MED16: variants seen among roughly 807,000 people sequenced by gnomAD.
MED16 encodes the protein mediator of RNA polymerase II transcription subunit 16.
MED16 carries 81 observed loss-of-function variants against 84.4 expected under a neutral mutation model. The ratio of observed to expected loss-of-function variants is 0.96; its 90% CI spans 0.80 to 1.15. MED16 has a LOEUF of 1.15. Ranked by LOEUF, MED16 falls within the 50% of genes most tolerant of loss-of-function variation. The pLI is 0.00. For missense variants in MED16, 1,585 were observed against 1,245.9 expected (o/e 1.27, Z -4.10); for synonymous variants, 897 against 552.2 (o/e 1.62, Z -8.76).
At chr19:873,855 C>A (rs1168283963) in intron 10 of MED16, among the ~76,000 whole-genome samples, 1 of 152,156 alleles carries the variant, frequency 6.6e-6, no homozygotes, top group Non-Finnish European at 1.5e-5. Flanking sequence ...CATGCCAGGG[C>A]CACCAGTGCT....
chr19:880,213 C>T, intron 7 of MED16, 65 bp from the exon 8 acceptor site: 1 of 1,461,782 alleles, frequency 6.8e-7, no homozygotes, highest in Non-Finnish European at 9.1e-7. Flanking sequence ...GGGGAGGGGC[C>T]TCCTGCTCTG....
rs2036200958 is a variant in MED16 at position 875,203 on chromosome 19, TGAAA to T, written c.1771+37_1771+40del. On this transcript the variant is annotated intron_variant, in intron 10 of 15. Coordinates refer to ENST00000325464, the MANE Select transcript of MED16 (RefSeq NM_005481.3). Reference sequence around the variant, plus strand: ...AATAAATAAAAATAAAATAAATAGATGAAAGAAACCTCGAGGCCCCGGGCGTGGA... The same window carrying T: ...AATAAATAAAAATAAAATAAATAGATGAAACCTCGAGGCCCCGGGCGTGGA... 5.3e-6 allele frequency: 7 copies of T among 1,313,328 alleles called. No homozygotes were observed. The South Asian group carries it at 7.2e-5, about 14-fold the overall frequency. The allele number at this position is 1,313,328 out of a possible 1,614,324, so 81.4% of individuals were successfully genotyped here. A position where few individuals can be genotyped will look rare whatever the true frequency, so the allele number is the denominator to read the frequency against.
chr19:890,181 G>T lies in MED16; in HGVS notation c.233C>A (p.Ser78Ter), dbSNP rs1385972926. ...EHPWDLHSIP[S>*]EHHEAITCLE... ...GCAGGTGATGGCCTCGTGGTGCTCT[G>T]AGGGGATCGAGTGCAGGTCCCAGGG... is the stretch of plus-strand genomic sequence containing the variant. The change falls in exon 3 of 16, where the codon TCA becomes TAA. Residue 78 changes from serine (S) to a stop codon, truncating the protein, a stop_gained. Transcript: ENST00000325464. LOFTEE classifies it high-confidence loss of function. 1 of 1,554,024 alleles carries T rather than the reference G, an allele frequency of 6.4e-7. No individual in the cohort carries two copies. Among genetic ancestry groups the T allele is most frequent in the Admixed American group, 1.9e-5 (1 of 51,288 alleles).
chr19:871,420 T>TCTGC (rs1799767437), intron 12 of MED16, among the ~76,000 whole-genome samples, 167 bp from the exon 13 acceptor site: 1 of 151,988 alleles, frequency 6.6e-6, no homozygotes, highest in Admixed American at 6.5e-5. Context: ...GGGCCCCGGC[T>TCTGC]CTGCCTGCCT....
At chr19:876,913 G>T (rs1254728680) in intron 9 of MED16, 61 bp downstream of exon 9, 4 of 1,518,844 alleles carry the variant, frequency 2.6e-6, no homozygotes, top group Non-Finnish European at 3.5e-6. Context: ...CCTGCCACGG[G>T]GCCCCCACCT....
At chr19:886,244 T>C (rs1334006725) in intron 4 of MED16, 43 bp from the exon 5 acceptor site, 10 of 1,461,460 alleles carry the variant, frequency 6.8e-6, no homozygotes, top group South Asian at 2.8e-5. Flanking sequence ...CTCAGGCTCA[T>C]GGGGGCTGCC....
Position 872,740 on chromosome 19 carries a change from A to C in MED16, c.1906-622T>G, listed in dbSNP as rs1458774442. ...GAGGTGTGGATGGAGACTTGATTTCAAGGCCGCCCACCCCAGGCGCAGGGA... is the reference window on the plus strand; with the variant it reads ...GAGGTGTGGATGGAGACTTGATTTCCAGGCCGCCCACCCCAGGCGCAGGGA... On this transcript the variant is annotated intron_variant, in intron 11 of 15. Coordinates refer to ENST00000325464, the MANE Select transcript of MED16 (RefSeq NM_005481.3). Among the ~76,000 whole-genome samples the C allele has an allele frequency of 2.6e-5, 4 of 151,700 alleles. No individual in the cohort carries two copies. In the East Asian group the frequency reaches 7.9e-4, roughly 30 times the overall value.
rs1312130672 is a variant in MED16, at chr19:871,295, G to C, written c.2099-42C>G. ...CGGAAGTCTCAGCACCCCTGACTGG[G>C]GCACCGCCCGGCCACCCGGGACGTG... is the stretch of plus-strand genomic sequence containing the variant. On this transcript the variant is annotated intron_variant, in intron 12 of 15. Transcript: ENST00000325464. 2.3e-5 allele frequency: 35 copies of C among 1,501,416 alleles called. No homozygotes were observed. In the South Asian group the frequency reaches 4.3e-4, roughly 18 times the overall value. The allele number at this position is 1,501,416 out of a possible 1,614,324, so 93.0% of individuals were successfully genotyped here. A position where few individuals can be genotyped will look rare whatever the true frequency, so the allele number is the denominator to read the frequency against.
At chr19:879,599 G>C (rs372058557) in intron 8 of MED16, among the ~76,000 whole-genome samples, 1,316 of 13,694 alleles carry the variant, frequency 0.096, no homozygotes, top group South Asian at 0.14. Context: ...TCACCTTCCC[G>C]TGGTTGTCAA....
In MED16 at chr19:889,797, G is replaced by C. The variant is rs753131046; in HGVS notation, c.288C>G (p.Leu96=). ...CLEWDQSGSR[L]LSADADGQIK... ...TCTGCCCGTCGGCATCTGCTGACAGGAGCCGGGAGCCTGAGGGCAAGAAGC... is the reference window on the plus strand; with the variant it reads ...TCTGCCCGTCGGCATCTGCTGACAGCAGCCGGGAGCCTGAGGGCAAGAAGC... Residue 96 remains leucine (L), a synonymous_variant, in exon 4 of 16, where the codon CTC becomes CTG. Coordinates refer to ENST00000325464, the MANE Select transcript of MED16 (RefSeq NM_005481.3). 8 of 1,610,794 alleles carry C rather than the reference G, an allele frequency of 5.0e-6. No individual in the cohort carries two copies. Among genetic ancestry groups the C allele is most frequent in the African/African-American group, 1.3e-5 (1 of 74,900 alleles).
chr19:890,932 G>A lies in MED16; in HGVS notation c.169+31C>T, dbSNP rs199813748. On this transcript the variant is annotated intron_variant, in intron 2 of 15. Coordinates refer to ENST00000325464, the MANE Select transcript of MED16 (RefSeq NM_005481.3). ...GAACAGGGCGGGACACCATGCGGCC[G>A]GGAGGGGAAGCAGGTGGGAGGGGGA... 1.2e-4 allele frequency: 198 copies of A among 1,605,086 alleles called. No individual in the cohort carries two copies. The African/African-American group carries it at 1.9e-3, about 15-fold the overall frequency.
At chr19:886,751 T>C (rs1014930585) in intron 4 of MED16, among the ~76,000 whole-genome samples, 1 of 152,224 alleles carries the variant, frequency 6.6e-6, no homozygotes, top group African/African-American at 2.4e-5. Context: ...TACGGAAACA[T>C]CCACCCTTCT....
At chr19:891,193 C>A (rs576592674) in intron 1 of MED16, 44 bp from the exon 2 acceptor site, 1 of 1,551,634 alleles carries the variant, frequency 6.4e-7, no homozygotes, top group African/African-American at 1.4e-5. Flanking sequence ...TGGCTGAGCA[C>A]CCAGGGCATG....
chr19:878,231 A>C (rs1599329657), intron 8 of MED16, among the ~76,000 whole-genome samples: 2 of 49,580 alleles, frequency 4.0e-5, no homozygotes, highest in Admixed American at 2.6e-4. Flanking sequence ...GTCAATGCCC[A>C]CCAGCCCCAG....
intron 3 of MED16, 58 bp downstream of exon 3, chr19:890,079 G>GC (rs1473605923): frequency 2.3e-6 from 3 of 1,322,816 alleles, no homozygotes; most frequent in East Asian, 5.0e-5. Context: ...GAAACACAGG[G>GC]CCCCCCTGCT....
intron 3 of MED16, 78 bp from the exon 4 acceptor site, chr19:889,885 G>A (rs919525626): frequency 2.7e-6 from 4 of 1,486,818 alleles, no homozygotes; most frequent in Non-Finnish European, 3.6e-6. Context: ...CAGCGCCTGG[G>A]GGAAGCCAGC....
intron 9 of MED16, among the ~76,000 whole-genome samples, chr19:876,692 C>T (rs1269225540): frequency 6.6e-6 from 1 of 152,130 alleles, no homozygotes; most frequent in Non-Finnish European, 1.5e-5. Flanking sequence ...GAGCCCCCAA[C>T]CTGCCGCAGG....
In MED16 at chr19:872,153, C is replaced by G; in HGVS notation, c.1906-35G>C. 4.6e-6 allele frequency: 7 copies of G among 1,537,566 alleles called. No homozygotes were observed. The South Asian group carries it at 4.8e-5, about 11-fold the overall frequency. The stretch of plus-strand genomic sequence containing the variant: ...AGAGGCATCGGTGTGGCTGGGGCGG[C>G]GGGGGGCAGATGGCGATGGGATGAA... On this transcript the variant is annotated intron_variant, in intron 11 of 15. Transcript: ENST00000325464.
At chr19:878,563 G>T (rs1599330258) in intron 8 of MED16, among the ~76,000 whole-genome samples, 3 of 25,404 alleles carry the variant, frequency 1.2e-4, no homozygotes, top group Admixed American at 1.1e-3. Flanking sequence ...ACCAGCCCCA[G>T]CCCCAGCCCC....
Sources: allele counts gnomAD v4.1 joint callset (sites outside exome capture counted in the v4.1 genomes callset), GRCh38; gene constraint gnomAD v4.1.1; transcripts MANE v1.5; gene names NCBI Gene and HGNC (gene_info 2026-07-23, HGNC 2026-07-21).